The following ANKRD30A variants were observed in gnomAD, a reference collection of about 807,000 sequenced individuals.
ANKRD30A encodes the protein ankyrin repeat domain 30A, also known as ankyrin repeat domain-containing protein 30A.
ANKRD30A carries 170 observed loss-of-function variants against 166.3 expected under a neutral mutation model. The ratio of observed to expected loss-of-function variants is 1.02; its 90% CI spans 0.90 to 1.16. The LOEUF (loss-of-function observed/expected upper bound fraction) is 1.16, where lower values mean the gene tolerates loss of function less well. Among genes scored for constraint, ANKRD30A ranks in the 50% most tolerant of loss-of-function variants. The pLI is 0.00. For synonymous variants in ANKRD30A, 564 were observed against 508.9 expected (o/e 1.11, Z -1.46); for missense variants, 1,630 against 1,518.0 (o/e 1.07, Z -1.23).
chr10:37,131,678 T>C (rs1454439359), intron 3 of ANKRD30A, among the ~76,000 whole-genome samples: 1 of 152,214 alleles, frequency 6.6e-6, no homozygotes, highest in Non-Finnish European at 1.5e-5. Context: ...CCTGAAATTC[T>C]AATTTGTCAA....
At chr10:37,192,493 T>G (rs1191586648) in intron 25 of ANKRD30A, among the ~76,000 whole-genome samples, 1 of 152,086 alleles carries the variant, frequency 6.6e-6, no homozygotes. Context: ...ACTTTTATTC[T>G]ATAAGTAGAA....
rs199934765 is a variant in ANKRD30A, at chr10:37,216,237, G to A, written c.2926G>A (p.Glu976Lys). 1.7e-3 allele frequency: 2,742 copies of A among 1,607,756 alleles called. 9 individuals are homozygous for A. The highest frequency in any genetic ancestry group is 1.6e-3 in the Non-Finnish European group (1,898 of 1,175,688). The change falls in exon 32 of 36, where the codon GAA (glutamate) becomes AAA (lysine). Residue 976 changes from glutamate to lysine, a missense_variant. Transcript: ENST00000361713. ...DTVHSCERAR[E>K]LQKDHCEQRT... Reference sequence around the variant, plus strand: ...AGTTCATTCTTGTGAAAGAGCAAGGGAACTTCAAAAAGATCACTGTGAACA... The same window carrying A: ...AGTTCATTCTTGTGAAAGAGCAAGGAAACTTCAAAAAGATCACTGTGAACA...
At chr10:37,133,765 T>C in intron 4 of ANKRD30A, 151 bp from the exon 5 acceptor site, 1 of 931,652 alleles carries the variant, frequency 1.1e-6, no homozygotes, top group South Asian at 1.7e-5. Context: ...GCTCCTTCCT[T>C]TTAGCCTTGG....
Position 37,142,003 on chromosome 10 carries a change from C to A in ANKRD30A, c.1106C>A (p.Ser369Tyr). 2 of 1,614,104 alleles carry A rather than the reference C, an allele frequency of 1.2e-6. No homozygotes were observed. The highest frequency in any genetic ancestry group is 1.7e-6 in the Non-Finnish European group (2 of 1,179,976). The change falls in exon 7 of 36, where the codon TCT becomes TAT. Residue 369 changes from serine (S) to tyrosine (Y), a missense_variant. Physicochemically the swap from Ser to Tyr is moderately radical, Grantham distance 144. This residue lies in a region of ANKRD30A where 904 missense variants were observed against 818.5 expected (regional missense o/e 1.10). Transcript: ENST00000361713. ...REITSPAKETSEKFTWPAKGR... is the reference protein window; with the variant it reads ...REITSPAKETYEKFTWPAKGR... ...ATTACGAGTCCTGCAAAAGAAACAT[C>A]TGAGAAATTTACGTGGCCAGCAAAA...
At chr10:37,217,408 A>G (rs1401049813) in intron 32 of ANKRD30A, among the ~76,000 whole-genome samples, 1 of 150,962 alleles carries the variant, frequency 6.6e-6, no homozygotes, top group Non-Finnish European at 1.5e-5. Context: ...ATAATTTTCA[A>G]CTTATAAATT....
chr10:37,233,920 C>T (rs546222917), downstream of ANKRD30A, among the ~76,000 whole-genome samples: 2 of 152,232 alleles, frequency 1.3e-5, no homozygotes, highest in East Asian at 3.9e-4. Flanking sequence ...AATATCTAAT[C>T]TAACATAAAA....
At chr10:37,239,823 T>A in the ANKRD30A span, among the ~76,000 whole-genome samples, 1 of 152,120 alleles carries the variant, frequency 6.6e-6, no homozygotes, top group Non-Finnish European at 1.5e-5. Flanking sequence ...GCAATTCTCA[T>A]GTTAGGTATA....
At chr10:37,201,900 A>G (rs925615427) in intron 31 of ANKRD30A, among the ~76,000 whole-genome samples, 11 of 152,128 alleles carry the variant, frequency 7.2e-5, no homozygotes, top group African/African-American at 1.4e-4. Flanking sequence ...ATGGCCACAC[A>G]TGTATATAAT....
chr10:37,127,901 A>C (rs1209616259), intron 1 of ANKRD30A, among the ~76,000 whole-genome samples: 1 of 152,144 alleles, frequency 6.6e-6, no homozygotes, highest in African/African-American at 2.4e-5. Context: ...CAATTCTATT[A>C]TACTAAAATA....
intron 27 of ANKRD30A, among the ~76,000 whole-genome samples, 165 bp downstream of exon 27, chr10:37,193,423 A>G (rs1314974554): frequency 6.6e-6 from 1 of 152,138 alleles, no homozygotes; most frequent in African/African-American, 2.4e-5. Flanking sequence ...AATGCCATTT[A>G]TAAGCCTAAG....
chr10:37,150,664 TA>T (rs1467357623), intron 11 of ANKRD30A, among the ~76,000 whole-genome samples: 1 of 152,108 alleles, frequency 6.6e-6, no homozygotes, highest in Non-Finnish European at 1.5e-5. Context: ...GTGACATCCA[TA>T]AAGGACACAA....
At chr10:37,152,247 C>T (rs1363112234) in intron 12 of ANKRD30A, 126 bp downstream of exon 12, 15 of 776,060 alleles carry the variant, frequency 1.9e-5, no homozygotes, top group Non-Finnish European at 2.7e-5. Flanking sequence ...TGATATTTTT[C>T]AGAATATGCT....
rs748608157 is a variant in ANKRD30A at position 37,162,657 on chromosome 10, G to A, written c.1909G>A (p.Gly637Arg). 1.2e-6 allele frequency: 2 copies of A among 1,612,196 alleles called. No individual in the cohort carries two copies. The highest frequency in any genetic ancestry group is 1.7e-6 in the Non-Finnish European group (2 of 1,179,744). ...DMQTFKAEPP[G>R]KPSAFEPATE... Reference sequence around the variant, plus strand: ...TCTCTTTTGCTTTTTAGAGCCTCCGGGGAAGCCATCTGCCTTCGAGGTATT... The same window carrying A: ...TCTCTTTTGCTTTTTAGAGCCTCCGAGGAAGCCATCTGCCTTCGAGGTATT... Residue 637 changes from glycine (G) to arginine (R), a missense_variant, in exon 16 of 36, where the codon GGG becomes AGG. By Grantham distance (125) the Gly-to-Arg change is moderately radical. Coordinates refer to ENST00000361713, the MANE Select transcript of ANKRD30A (RefSeq NM_052997.3).
At chr10:37,252,101 A>T in the ANKRD30A span, among the ~76,000 whole-genome samples, 1 of 152,180 alleles carries the variant, frequency 6.6e-6, no homozygotes, top group Admixed American at 6.5e-5. Flanking sequence ...TAATGTGGTT[A>T]TTGGCAGGAG....
intron 31 of ANKRD30A, among the ~76,000 whole-genome samples, chr10:37,207,718 A>C (rs1415156576): frequency 6.6e-6 from 1 of 151,906 alleles, no homozygotes; most frequent in Admixed American, 6.6e-5. Context: ...TATCATTATC[A>C]TTATAATAGT....
intron 31 of ANKRD30A, among the ~76,000 whole-genome samples, chr10:37,205,882 A>G (rs1351075082): frequency 2.6e-5 from 4 of 152,204 alleles, no homozygotes; most frequent in Non-Finnish European, 5.9e-5. Context: ...CTTGGACTGT[A>G]CACTGAGTAG....
chr10:37,217,622 G>A, intron 32 of ANKRD30A, 73 bp from the exon 33 acceptor site: 1 of 1,268,946 alleles, frequency 7.9e-7, no homozygotes, highest in Admixed American at 2.9e-5. Context: ...ACCCAATATA[G>A]GAAGAAATAG....
chr10:37,224,857 T>A (rs1464801546), intron 34 of ANKRD30A, among the ~76,000 whole-genome samples: 1 of 151,554 alleles, frequency 6.6e-6, no homozygotes, highest in Admixed American at 6.6e-5. Context: ...CTCAGAATGT[T>A]TTCTTTCTAT....
intron 34 of ANKRD30A, among the ~76,000 whole-genome samples, chr10:37,226,438 A>G (rs950035956): frequency 5.9e-5 from 9 of 151,726 alleles, no homozygotes; most frequent in Non-Finnish European, 1.5e-5. Context: ...TAAAGAGTCA[A>G]GACCCATCAG....
Sources: allele counts gnomAD v4.1 joint callset (sites outside exome capture counted in the v4.1 genomes callset), GRCh38; gene constraint gnomAD v4.1.1; regional missense constraint gnomAD v4.1.1; transcripts MANE v1.5; gene names NCBI Gene and HGNC (gene_info 2026-07-23, HGNC 2026-07-21).